MRC1: variants seen among roughly 807,000 people sequenced by gnomAD.
MRC1 encodes the protein macrophage mannose receptor 1.
Under a neutral mutation model 102.9 loss-of-function variants are expected in MRC1, and 62 were observed. The observed-to-expected ratio is 0.60, with a 90% confidence interval of 0.49 to 0.74. The LOEUF is 0.74. Ranked by LOEUF, MRC1 falls within the 30% of genes least tolerant of loss-of-function variation. The pLI, the probability that MRC1 is intolerant of heterozygous loss-of-function variation, is 0.00. For synonymous variants in MRC1, 457 were observed against 298.4 expected, an observed-to-expected ratio of 1.53 and a Z score of -5.48; for missense variants, 1,237 against 862.8, an observed-to-expected ratio of 1.43 and a Z score of -5.43.
chr10:17,856,653 G>A (rs1456676956), intron 9 of MRC1, among the ~76,000 whole-genome samples: 3 of 152,096 alleles, frequency 2.0e-5, no homozygotes, highest in Non-Finnish European at 2.9e-5. Context: ...GCTAAGTTGA[G>A]GGCAGGCCAC....
chr10:17,869,350 C>T (rs1489426484), intron 12 of MRC1, among the ~76,000 whole-genome samples: 1 of 152,164 alleles, frequency 6.6e-6, no homozygotes, highest in African/African-American at 2.4e-5. Context: ...CCTTTGTCCA[C>T]ATAGCTTGAG....
chr10:17,840,888 T>A, intron 5 of MRC1, 82 bp downstream of exon 5: 2 of 778,916 alleles, frequency 2.6e-6, no homozygotes, highest in Non-Finnish European at 2.4e-6. Context: ...TCTCACCTGT[T>A]GATCTCAAAG....
chr10:17,868,943 C>G (rs1185095446), intron 12 of MRC1, among the ~76,000 whole-genome samples: 4 of 152,140 alleles, frequency 2.6e-5, no homozygotes, highest in Non-Finnish European at 4.4e-5. Context: ...CCTCTGGAAA[C>G]TTTTGAGTTA....
At chr10:17,862,521 T>G (rs1291787287) in intron 10 of MRC1, among the ~76,000 whole-genome samples, 3 of 152,192 alleles carry the variant, frequency 2.0e-5, no homozygotes, top group African/African-American at 7.2e-5. Flanking sequence ...CATCCAGATG[T>G]GCATGATTTC....
At chr10:17,829,466 C>T (rs1200610103) in intron 3 of MRC1, among the ~76,000 whole-genome samples, 6 of 151,426 alleles carry the variant, frequency 4.0e-5, no homozygotes, top group South Asian at 2.1e-4. Flanking sequence ...CTGTTCATAG[C>T]GACACTGCTG....
chr10:17,874,064 T>C (rs1332959801), intron 16 of MRC1, among the ~76,000 whole-genome samples: 1 of 152,164 alleles, frequency 6.6e-6, no homozygotes, highest in East Asian at 1.9e-4. Context: ...AGGTCCCAGG[T>C]TCCTTCTTCT....
At chr10:17,845,627 G>A (rs957616685) in intron 6 of MRC1, among the ~76,000 whole-genome samples, 192 bp downstream of exon 6, 19 of 152,220 alleles carry the variant, frequency 1.2e-4, no homozygotes, top group African/African-American at 3.6e-4. Context: ...CGGTGTCTGG[G>A]CATTGTGGAG....
chr10:17,848,128 G>A (rs1007522034), intron 6 of MRC1, among the ~76,000 whole-genome samples: 4 of 151,944 alleles, frequency 2.6e-5, no homozygotes, highest in Admixed American at 6.6e-5. Flanking sequence ...GGGAAGATAC[G>A]ACCAATTCAT....
intron 1 of MRC1, among the ~76,000 whole-genome samples, chr10:17,816,164 G>A (rs1379515723): frequency 6.6e-5 from 10 of 152,232 alleles, no homozygotes; most frequent in Non-Finnish European, 1.5e-4. Context: ...AATGTACTAG[G>A]TGCAGGGTAA....
At chr10:17,824,223 C>T (rs1838440395) in intron 2 of MRC1, among the ~76,000 whole-genome samples, 2 of 152,092 alleles carry the variant, frequency 1.3e-5, no homozygotes, top group African/African-American at 4.8e-5. Flanking sequence ...GAAAACAAAA[C>T]AAAAATACAA....
At chr10:17,856,962 G>T (rs1833102277) in intron 9 of MRC1, among the ~76,000 whole-genome samples, 1 of 152,024 alleles carries the variant, frequency 6.6e-6, no homozygotes, top group East Asian at 1.9e-4. Flanking sequence ...AAAACACAGG[G>T]TTTATGGTTA....
At chr10:17,849,049 G>A (rs1299075880) in intron 6 of MRC1, among the ~76,000 whole-genome samples, 1 of 152,236 alleles carries the variant, frequency 6.6e-6, no homozygotes, top group South Asian at 2.1e-4. Flanking sequence ...TTTAAACAGT[G>A]CATAACAGAT....
At chr10:17,881,448 A>G (rs1464283517) in intron 21 of MRC1, among the ~76,000 whole-genome samples, 3 of 152,134 alleles carry the variant, frequency 2.0e-5, no homozygotes, top group Non-Finnish European at 4.4e-5. Flanking sequence ...GACAGCTTTG[A>G]GTGAAGGAGC....
intron 29 of MRC1, among the ~76,000 whole-genome samples, chr10:17,909,889 A>T (rs912048586): frequency 6.6e-6 from 1 of 151,834 alleles, no homozygotes; most frequent in African/African-American, 2.4e-5. Context: ...AATTATTATC[A>T]TTACTAATCT....
At chr10:17,908,355 A>C (rs1589198301) in intron 28 of MRC1, among the ~76,000 whole-genome samples, 1 of 151,790 alleles carries the variant, frequency 6.6e-6, no homozygotes, top group African/African-American at 2.4e-5. Flanking sequence ...GCTCACTGCA[A>C]CCTCCACCTC....
At position 17,885,368 on chromosome 10, in the gene MRC1, G is replaced by T; in HGVS notation, c.3080G>T (p.Gly1027Val). ...ACGTTCCTTTGGACGGATGGACGAGGAGTCCATTACACAAACTGGGGGAAA... is the reference window on the plus strand; with the variant it reads ...ACGTTCCTTTGGACGGATGGACGAGTAGTCCATTACACAAACTGGGGGAAA... ...EHTFLWTDGR[G>V]VHYTNWGKGY... The change falls in exon 22 of 30, where the codon GGA becomes GTA. Residue 1027 changes from glycine to valine, a missense_variant. By Grantham distance (109) the Gly-to-Val change is moderately radical. Transcript: ENST00000569591. The T allele has an allele frequency of 1.3e-6, 1 of 780,872 alleles. No individual in the cohort carries two copies. The highest frequency in any genetic ancestry group is 2.4e-6 in the Non-Finnish European group (1 of 417,954). The allele number at this position is 780,872 out of a possible 1,614,324, so 48.4% of individuals were successfully genotyped here. A position where few individuals can be genotyped will look rare whatever the true frequency, so the allele number is the denominator to read the frequency against.
At chr10:17,834,653 A>G (rs1172418890) in intron 4 of MRC1, among the ~76,000 whole-genome samples, 6 of 152,182 alleles carry the variant, frequency 3.9e-5, no homozygotes, top group African/African-American at 1.4e-4. Flanking sequence ...GCCTCAGGTG[A>G]TCCACCTGCC....
At chr10:17,879,181 TG>T (rs1833478659) in intron 18 of MRC1, among the ~76,000 whole-genome samples, 1 of 152,012 alleles carries the variant, frequency 6.6e-6, no homozygotes, top group African/African-American at 2.4e-5. Flanking sequence ...CGACTAAAGG[TG>T]GTTTCTTCCT....
intron 15 of MRC1, 87 bp downstream of exon 15, chr10:17,872,213 A>G (rs1407353533): frequency 1.3e-6 from 1 of 777,020 alleles, no homozygotes; most frequent in African/African-American, 1.7e-5. Flanking sequence ...GCAGAAGCAA[A>G]CAAACAAAAT....
Sources: allele counts gnomAD v4.1 joint callset (sites outside exome capture counted in the v4.1 genomes callset), GRCh38; gene constraint gnomAD v4.1.1; transcripts MANE v1.5; gene names NCBI Gene and HGNC (gene_info 2026-07-23, HGNC 2026-07-21).